The following TSNARE1 variants were observed in gnomAD, a reference collection of about 807,000 sequenced individuals.
TSNARE1 encodes the protein t-SNARE domain containing 1, also known as t-SNARE domain-containing protein 1.
Under a neutral mutation model 62.0 loss-of-function variants are expected in TSNARE1, and 49 were observed. The ratio of observed to expected loss-of-function variants is 0.79; its 90% CI spans 0.63 to 1.00. The LOEUF is 1.00. Among genes scored for constraint, TSNARE1 ranks in the 50% least tolerant of loss-of-function variants. TSNARE1 has a pLI of 0.00. For synonymous variants in TSNARE1, 328 were observed against 294.4 expected, an observed-to-expected ratio of 1.11 and a Z score of -1.17; for missense variants, 755 against 700.1, an observed-to-expected ratio of 1.08 and a Z score of -0.88.
intron 9 of TSNARE1, among the ~76,000 whole-genome samples, chr8:142,311,167 T>A (rs575068667): frequency 6.6e-6 from 1 of 151,668 alleles, no homozygotes; most frequent in African/African-American, 2.4e-5. Context: ...GTTGTTTTTT[T>A]TTTTTTAATT....
At position 142,319,460 on chromosome 8, in the gene TSNARE1, C is replaced by T. The variant is rs570873635; in HGVS notation, c.894-826G>A. On this transcript the variant is annotated intron_variant, in intron 6 of 13. Coordinates refer to ENST00000524325, the MANE Select transcript of TSNARE1 (RefSeq NM_145003.5). This position sits in a 1 kb window ranked among gnomAD's most constrained non-coding sequence, Gnocchi z 4.9. ...AAAGCAACTGGGAAGACCAGCCCGT[C>T]TCCCGCTTGGGGTTCGCCACCCCCA... 6.6e-6 allele frequency among the ~76,000 whole-genome samples: 1 copy of T among 152,258 alleles called. No homozygotes were observed. The highest frequency in any genetic ancestry group is 6.5e-5 in the Admixed American group (1 of 15,304).
chr8:142,331,711 G>A lies in TSNARE1; in HGVS notation c.823+43C>T, dbSNP rs1367788702. On this transcript the variant is annotated intron_variant, in intron 5 of 13. Coordinates refer to ENST00000524325, the MANE Select transcript of TSNARE1 (RefSeq NM_145003.5). ...TCCAATGTCGCATCAGTGGTCCAGG[G>A]TGCCTGGATGGAGGGGCAGGCCCAG... 2.6e-6 allele frequency: 4 copies of A among 1,532,398 alleles called. No homozygotes were observed. The South Asian group carries it at 3.6e-5, about 14-fold the overall frequency. The allele number at this position is 1,532,398 out of a possible 1,614,324, so 94.9% of individuals were successfully genotyped here. A position where few individuals can be genotyped will look rare whatever the true frequency, so the allele number is the denominator to read the frequency against.
intron 4 of TSNARE1, among the ~76,000 whole-genome samples, chr8:142,343,284 T>C (rs1001493719): frequency 2.6e-5 from 4 of 152,170 alleles, no homozygotes; most frequent in African/African-American, 9.7e-5. Flanking sequence ...CAGAGCAGCA[T>C]GTTTCAAACC....
intron 1 of TSNARE1, among the ~76,000 whole-genome samples, chr8:142,390,143 C>T (rs1010651867): frequency 6.6e-6 from 1 of 152,224 alleles, no homozygotes; most frequent in African/African-American, 2.4e-5. Context: ...TTACCATGAA[C>T]GGGGCTTGCA....
intron 9 of TSNARE1, 81 bp from the exon 10 acceptor site, chr8:142,300,725 G>A: frequency 1.4e-6 from 2 of 1,469,220 alleles, no homozygotes; most frequent in Non-Finnish European, 1.8e-6. Context: ...CAACAAAATG[G>A]TGCTTTTCCC....
At chr8:142,351,760 T>C (rs971002854) in intron 2 of TSNARE1, among the ~76,000 whole-genome samples, 3 of 152,216 alleles carry the variant, frequency 2.0e-5, no homozygotes, top group Non-Finnish European at 4.4e-5. Context: ...AAAGCAAACT[T>C]GACCAGAGAA....
chr8:142,358,640 G>A (rs1302990829), intron 1 of TSNARE1, among the ~76,000 whole-genome samples: 4 of 152,144 alleles, frequency 2.6e-5, no homozygotes, highest in Middle Eastern at 3.4e-3. Flanking sequence ...GCTAACCCAC[G>A]GTCAGGGCCA....
rs904338650 is a variant in TSNARE1, at chr8:142,276,083, C to A, written c.1364-1220G>T. On this transcript the variant is annotated intron_variant, in intron 11 of 13. Transcript: ENST00000524325. ...CCCCACCCTTGCCCCCAGCGCAGGG[C>A]CCTAGTGGAGCCGCAGGCACTCGCA... The A allele has an allele frequency of 1.0e-5, 10 of 985,294 alleles. No individual in the cohort carries two copies. The African/African-American group carries it at 1.4e-4, about 14-fold the overall frequency. The allele number at this position is 985,294 out of a possible 1,614,324, so 61.0% of individuals were successfully genotyped here. A position where few individuals can be genotyped will look rare whatever the true frequency, so the allele number is the denominator to read the frequency against.
intron 8 of TSNARE1, among the ~76,000 whole-genome samples, chr8:142,314,701 G>A (rs571591874): frequency 7.9e-5 from 12 of 152,348 alleles, no homozygotes; most frequent in East Asian, 5.8e-4. Context: ...CTGTCCACGC[G>A]TGGGAGCTCT....
In TSNARE1 at chr8:142,279,861, T is replaced by C; in HGVS notation, c.1363+4552A>G. 2.9e-6 allele frequency: 3 copies of C among 1,029,660 alleles called. No individual in the cohort carries two copies. In the South Asian group the frequency reaches 9.1e-5, roughly 31 times the overall value. The allele number at this position is 1,029,660 out of a possible 1,614,324, so 63.8% of individuals were successfully genotyped here. On this transcript the variant is annotated intron_variant, in intron 11 of 13. Transcript: ENST00000524325. ...GGGCTGTGGGGAAGGCCCACTTACT[T>C]GGCAGGGGCTCCGTGGTCTGGCCCT...
At chr8:142,275,365 A>C (rs1354474511) in intron 11 of TSNARE1, 2 of 985,228 alleles carry the variant, frequency 2.0e-6, no homozygotes, top group East Asian at 2.3e-4. Flanking sequence ...CAGGGAGCTG[A>C]TCAGAAAGTT....
intron 12 of TSNARE1, among the ~76,000 whole-genome samples, chr8:142,266,747 C>CA (rs1412386755): frequency 1.3e-5 from 2 of 152,182 alleles, no homozygotes; most frequent in Admixed American, 1.3e-4. Flanking sequence ...CACATCACAT[C>CA]AACGACCTCT....
intron 2 of TSNARE1, among the ~76,000 whole-genome samples, chr8:142,350,322 G>A (rs1265334411): frequency 1.3e-5 from 2 of 152,236 alleles, no homozygotes; most frequent in African/African-American, 2.4e-5. Flanking sequence ...AGGCTATTGT[G>A]TACAATTTCA....
chr8:142,390,913 T>C (rs1339523459), intron 1 of TSNARE1, among the ~76,000 whole-genome samples: 1 of 76,144 alleles, frequency 1.3e-5, no homozygotes, highest in Non-Finnish European at 2.6e-5. Context: ...TGTACACTGC[T>C]GGGGACTCTG....
chr8:142,315,207 C>A, intron 7 of TSNARE1, 115 bp from the exon 8 acceptor site: 1 of 1,039,662 alleles, frequency 9.6e-7, no homozygotes, highest in East Asian at 2.6e-5. Context: ...CAGAATGGGG[C>A]TCGCCATCAA....
At chr8:142,274,927 AC>A (rs534954101) in intron 11 of TSNARE1, 64 bp from the exon 12 acceptor site, 12 of 1,429,448 alleles carry the variant, frequency 8.4e-6, no homozygotes, top group South Asian at 4.5e-5. Flanking sequence ...CCCTGAGGAC[AC>A]CCCCCAAAGG....
intron 6 of TSNARE1, among the ~76,000 whole-genome samples, chr8:142,327,337 G>A (rs550725358): frequency 8.6e-5 from 13 of 151,882 alleles, no homozygotes; most frequent in East Asian, 1.9e-4. Context: ...ATCAGCTGGC[G>A]AATGGGTCCG....
intron 1 of TSNARE1, among the ~76,000 whole-genome samples, chr8:142,393,591 C>CGT (rs1261096902): frequency 6.6e-6 from 1 of 152,224 alleles, no homozygotes; most frequent in Non-Finnish European, 1.5e-5. Flanking sequence ...AGATGCCAAA[C>CGT]GCCACGCCCG....
chr8:142,269,030 C>T lies in TSNARE1; in HGVS notation c.1446+5751G>A, dbSNP rs539844444. ...AATATGTACTGACTTGCTTAGTATACGTTTTCTGTAGCACACGCTAAGCTC... is the reference window on the plus strand; with the variant it reads ...AATATGTACTGACTTGCTTAGTATATGTTTTCTGTAGCACACGCTAAGCTC... On this transcript the variant is annotated intron_variant, in intron 12 of 13. Coordinates refer to ENST00000524325, the MANE Select transcript of TSNARE1 (RefSeq NM_145003.5). Among the ~76,000 whole-genome samples, 27 of 152,362 alleles carry T rather than the reference C, an allele frequency of 1.8e-4. 1 individual carries two copies. In the Middle Eastern group the frequency reaches 0.01, roughly 58 times the overall value.
Sources: allele counts gnomAD v4.1 joint callset (sites outside exome capture counted in the v4.1 genomes callset), GRCh38; gene constraint gnomAD v4.1.1; non-coding constraint Gnocchi (gnomAD v3.1); transcripts MANE v1.5; gene names NCBI Gene and HGNC (gene_info 2026-07-23, HGNC 2026-07-21).